Variants in TNFRSF1B observed in about 807,000 individuals in gnomAD.
TNFRSF1B encodes the protein TNF receptor superfamily member 1B.
Under a neutral mutation model 44.6 loss-of-function variants are expected in TNFRSF1B, and 19 were observed. The observed-to-expected ratio is 0.43, with a 90% CI of 0.30 to 0.62. TNFRSF1B has a LOEUF of 0.62. Among genes scored for constraint, TNFRSF1B ranks in the 20% least tolerant of loss-of-function variants. TNFRSF1B has a pLI of 0.16. For missense variants in TNFRSF1B, 541 were observed against 619.9 expected (o/e 0.87, Z 1.35); for synonymous variants, 252 against 261.1 (o/e 0.97, Z 0.34).
At chr1:12,194,719 A>G (rs1639228711) in intron 8 of TNFRSF1B, 101 bp downstream of exon 8, 1 of 1,466,250 alleles carries the variant, frequency 6.8e-7, no homozygotes, top group Non-Finnish European at 9.5e-7. Context: ...TGGTCTGTCC[A>G]GTGTCAGGAG....
At chr1:12,174,148 T>TTCTCCTTCTC (rs1638585966) in intron 1 of TNFRSF1B, among the ~76,000 whole-genome samples, 13 of 81,946 alleles carry the variant, frequency 1.6e-4, no homozygotes, top group Admixed American at 5.1e-4. Flanking sequence ...TTCTTCTTCT[T>TTCTCCTTCTC]CTTCTTCTTC....
intron 1 of TNFRSF1B, among the ~76,000 whole-genome samples, chr1:12,170,165 T>C (rs1403513154): frequency 1.3e-5 from 2 of 149,238 alleles, no homozygotes; most frequent in Admixed American, 6.6e-5. Context: ...CCAGGCACCC[T>C]GAGGCAGGGC....
rs913508825 is a variant in TNFRSF1B at position 12,199,757 on chromosome 1, G to A, written c.901-2210G>A. ...CGCTCCACCCCTGCTCTCACCTCCC[G>A]CTGCAGTGCTGGCGAGCCCCATCAG... On this transcript the variant is annotated intron_variant, in intron 8 of 9. Coordinates refer to ENST00000376259, the MANE Select transcript of TNFRSF1B (RefSeq NM_001066.3). This position sits in a 1 kb window ranked among gnomAD's most constrained non-coding sequence, Gnocchi z 4.0. Among the ~76,000 whole-genome samples, 2 of 152,176 alleles carry A rather than the reference G, an allele frequency of 1.3e-5. No homozygotes were observed. The highest frequency in any genetic ancestry group is 6.5e-5 in the Admixed American group (1 of 15,278).
At position 12,177,683 on chromosome 1, in the gene TNFRSF1B, A is replaced by G. The variant is rs1207971887; in HGVS notation, c.78+10514A>G. 6.6e-6 allele frequency among the ~76,000 whole-genome samples: 1 copy of G among 151,902 alleles called. No homozygotes were observed. Among genetic ancestry groups the G allele is most frequent in the Non-Finnish European group, 1.5e-5 (1 of 67,970 alleles). On this transcript the variant is annotated intron_variant, in intron 1 of 9. Coordinates refer to ENST00000376259, the MANE Select transcript of TNFRSF1B (RefSeq NM_001066.3). The surrounding 1 kb of genome is among the most constrained non-coding windows in gnomAD (Gnocchi z 4.3). ...CTAAGAGCTGACATTTAGCCTGGCT[A>G]CTCAGGAGACTGAGGCAGGAGAATC... is the stretch of plus-strand genomic sequence containing the variant.
In TNFRSF1B at chr1:12,187,523, G is replaced by C. The variant is rs1639014791; in HGVS notation, c.79-1273G>C. ...CATCCAGCACAGTCTTTGAGACTGTGAGCTGTGAAGTCAGACAGGACCCAG... is the reference window on the plus strand; with the variant it reads ...CATCCAGCACAGTCTTTGAGACTGTCAGCTGTGAAGTCAGACAGGACCCAG... On this transcript the variant is annotated intron_variant, in intron 1 of 9. Coordinates refer to ENST00000376259, the MANE Select transcript of TNFRSF1B (RefSeq NM_001066.3). This position sits in a 1 kb window ranked among gnomAD's most constrained non-coding sequence, Gnocchi z 5.5. 1.3e-5 allele frequency among the ~76,000 whole-genome samples: 2 copies of C among 152,204 alleles called. No homozygotes were observed. The highest frequency in any genetic ancestry group is 4.8e-5 in the African/African-American group (2 of 41,454).
chr1:12,183,707 TCTATTCTA>T (rs1157693260), intron 1 of TNFRSF1B, among the ~76,000 whole-genome samples: 73 of 107,002 alleles, frequency 6.8e-4, no homozygotes, highest in South Asian at 6.6e-4. Context: ...TATCTATCTA[TCTATTCTA>T]TCTACCTATC....
At chr1:12,172,218 C>T (rs1020171185) in intron 1 of TNFRSF1B, among the ~76,000 whole-genome samples, 9 of 152,156 alleles carry the variant, frequency 5.9e-5, no homozygotes, top group African/African-American at 7.2e-5. Context: ...TGTGGCTCCC[C>T]GTTCTGGACC....
At position 12,168,541 on chromosome 1, in the gene TNFRSF1B, G is replaced by A. The variant is rs1451864433; in HGVS notation, c.78+1372G>A. Among the ~76,000 whole-genome samples, 3 of 152,158 alleles carry A rather than the reference G, an allele frequency of 2.0e-5. No individual in the cohort carries two copies. Among genetic ancestry groups the A allele is most frequent in the East Asian group, 1.9e-4 (1 of 5,182 alleles). On this transcript the variant is annotated intron_variant, in intron 1 of 9. Coordinates refer to ENST00000376259, the MANE Select transcript of TNFRSF1B (RefSeq NM_001066.3). The surrounding 1 kb of genome is among the most constrained non-coding windows in gnomAD (Gnocchi z 4.7). ...CATGCCATATACTCTGGCCTCAGAG[G>A]GGGTCTTCCTGCCGCTGAGCTTGGG...
At chr1:12,198,452 C>T (rs557351647) in intron 8 of TNFRSF1B, among the ~76,000 whole-genome samples, 18 of 152,294 alleles carry the variant, frequency 1.2e-4, no homozygotes, top group Admixed American at 3.9e-4. Context: ...ACACTCACTA[C>T]GTCACTCACA....
chr1:12,189,378 G>C (rs1025220913), intron 2 of TNFRSF1B, among the ~76,000 whole-genome samples: 4 of 152,182 alleles, frequency 2.6e-5, no homozygotes, highest in African/African-American at 9.7e-5. Flanking sequence ...GCTCCTCTAG[G>C]GCAGAGATTG....
chr1:12,203,554 C>T (rs929905194), intron 9 of TNFRSF1B, among the ~76,000 whole-genome samples: 8 of 152,204 alleles, frequency 5.3e-5, no homozygotes, highest in African/African-American at 1.9e-4. Context: ...CCAGCCTCCT[C>T]GGTGGGAGGT....
In TNFRSF1B at chr1:12,180,996, A is replaced by G. The variant is rs1342678547; in HGVS notation, c.79-7800A>G. On this transcript the variant is annotated intron_variant, in intron 1 of 9. Coordinates refer to ENST00000376259, the MANE Select transcript of TNFRSF1B (RefSeq NM_001066.3). This position sits in a 1 kb window ranked among gnomAD's most constrained non-coding sequence, Gnocchi z 4.3. ...AGGAGGACCACATCTGGCCTGTTGC[A>G]CTCTTCTCCTTTGCCCCACCGAAGC... 6.6e-6 allele frequency among the ~76,000 whole-genome samples: 1 copy of G among 151,676 alleles called. No individual in the cohort carries two copies. The highest frequency in any genetic ancestry group is 1.9e-4 in the East Asian group (1 of 5,144).
chr1:12,194,572 T>C lies in TNFRSF1B; in HGVS notation c.866-12T>C. 6.2e-7 allele frequency: 1 copy of C among 1,614,140 alleles called. No homozygotes were observed. The highest frequency in any genetic ancestry group is 8.5e-7 in the Non-Finnish European group (1 of 1,180,002). On this transcript the variant is annotated splice_polypyrimidine_tract_variant and intron_variant, in intron 7 of 9. Transcript: ENST00000376259. ...AAGTCAATCTCTTACTTGTCCCCTC[T>C]CCTCTTTATAGAGAAGCCCTTGTGC...
At position 12,168,712 on chromosome 1, in the gene TNFRSF1B, C is replaced by A. The variant is rs11799476; in HGVS notation, c.78+1543C>A. On this transcript the variant is annotated intron_variant, in intron 1 of 9. Coordinates refer to ENST00000376259, the MANE Select transcript of TNFRSF1B (RefSeq NM_001066.3). The surrounding 1 kb of genome is among the most constrained non-coding windows in gnomAD (Gnocchi z 4.7). ...TCCTTCCCTTCCTGACCAGCTCCTG[C>A]GGCAGCTCATATTCCCTCCTCCCTC... is the stretch of plus-strand genomic sequence containing the variant. 1.8e-4 allele frequency among the ~76,000 whole-genome samples: 27 copies of A among 152,254 alleles called. No homozygotes were observed. Among genetic ancestry groups the A allele is most frequent in the African/African-American group, 6.5e-4 (27 of 41,540 alleles).
At position 12,192,472 on chromosome 1, in the gene TNFRSF1B, G is replaced by A. The variant is rs1189382370; in HGVS notation, c.499G>A (p.Gly167Arg). The change falls in exon 5 of 10, where the codon GGG becomes AGG. Residue 167 changes from glycine to arginine, a missense_variant. Physicochemically the swap from Gly to Arg is moderately radical, Grantham distance 125. Transcript: ENST00000376259. ...CGTGGTGTGCAAGCCCTGTGCCCCG[G>A]GGACGTTCTCCAACACGACTTCATC... Reference protein sequence around the residue: ...SDVVCKPCAPGTFSNTTSSTD... With the variant: ...SDVVCKPCAPRTFSNTTSSTD... The A allele has an allele frequency of 1.2e-6, 2 of 1,614,116 alleles. No individual in the cohort carries two copies. The highest frequency in any genetic ancestry group is 1.7e-6 in the Non-Finnish European group (2 of 1,180,002).
rs764190618 is a variant in TNFRSF1B, at chr1:12,192,991, C to T, written c.680C>T (p.Thr227Met). The T allele has an allele frequency of 2.4e-5, 38 of 1,614,088 alleles. No individual in the cohort carries two copies. Among genetic ancestry groups the T allele is most frequent in the African/African-American group, 8.0e-5 (6 of 74,926 alleles). Residue 227 changes from threonine (T) to methionine (M), a missense_variant, in exon 6 of 10, where the codon ACG (threonine) becomes ATG (methionine). By Grantham distance (81) the Thr-to-Met change is moderately conservative (BLOSUM62 -1). Coordinates refer to ENST00000376259, the MANE Select transcript of TNFRSF1B (RefSeq NM_001066.3). ...PQPVSTRSQH[T>M]QPTPEPSTAP... ...CCAGTGTCCACACGATCCCAACACA[C>T]GCAGCCAACTCCAGAACCCAGCACT...
At chr1:12,174,014 C>T (rs1638577795) in intron 1 of TNFRSF1B, among the ~76,000 whole-genome samples, 2 of 151,940 alleles carry the variant, frequency 1.3e-5, no homozygotes, top group African/African-American at 4.8e-5. Flanking sequence ...GGGGGGAGTG[C>T]GGGGGGAGGG....
Position 12,177,096 on chromosome 1 carries a change from G to A in TNFRSF1B, c.78+9927G>A, listed in dbSNP as rs970035182. 7.9e-5 allele frequency among the ~76,000 whole-genome samples: 12 copies of A among 152,040 alleles called. No individual in the cohort carries two copies. Among genetic ancestry groups the A allele is most frequent in the Admixed American group, 3.3e-4 (5 of 15,262 alleles). ...TGGCTCACTGCAACCTCTGCCTTCT[G>A]AGTTCAAGCGATTCTCCCACCTCAG... On this transcript the variant is annotated intron_variant, in intron 1 of 9. Coordinates refer to ENST00000376259, the MANE Select transcript of TNFRSF1B (RefSeq NM_001066.3). This position sits in a 1 kb window ranked among gnomAD's most constrained non-coding sequence, Gnocchi z 4.3.
At chr1:12,185,982 A>C (rs1429412720) in intron 1 of TNFRSF1B, among the ~76,000 whole-genome samples, 1 of 152,134 alleles carries the variant, frequency 6.6e-6, no homozygotes, top group Non-Finnish European at 1.5e-5. Context: ...AGCCTTCAGG[A>C]GGGAGGGTAC....
Sources: allele counts gnomAD v4.1 joint callset (sites outside exome capture counted in the v4.1 genomes callset), GRCh38; gene constraint gnomAD v4.1.1; non-coding constraint Gnocchi (gnomAD v3.1); transcripts MANE v1.5; gene names NCBI Gene and HGNC (gene_info 2026-07-23, HGNC 2026-07-21).